The following ARHGAP24 variants were observed in gnomAD, a reference collection of about 807,000 sequenced individuals.
ARHGAP24 encodes the protein rho GTPase-activating protein 24.
A neutral mutation model predicts 76.4 loss-of-function variants in ARHGAP24; 50 were observed. The ratio of observed to expected loss-of-function variants is 0.65; its 90% CI spans 0.52 to 0.83. ARHGAP24 has a LOEUF of 0.83. Ranked by LOEUF, ARHGAP24 falls within the 40% of genes least tolerant of loss-of-function variation. ARHGAP24 has a pLI of 0.00. For missense variants in ARHGAP24, 930 were observed against 914.2 expected, an observed-to-expected ratio of 1.02 and a Z score of -0.22; for synonymous variants, 345 against 323.3, an observed-to-expected ratio of 1.07 and a Z score of -0.72.
At chr4:85,524,970 A>C (rs77310439) in intron 1 of ARHGAP24, among the ~76,000 whole-genome samples, 8,517 of 152,206 alleles carry the variant, frequency 0.056, 287 homozygotes, top group African/African-American at 0.085. Context: ...CCCCAATACT[A>C]TTGATTTATT....
chr4:85,641,216 C>A (rs758943683), intron 2 of ARHGAP24, among the ~76,000 whole-genome samples: 10 of 152,134 alleles, frequency 6.6e-5, no homozygotes, highest in Non-Finnish European at 1.0e-4. Context: ...TCCAGCTCAG[C>A]CTTGCGCGTA....
chr4:85,684,537 G>C (rs1267479513), intron 2 of ARHGAP24, among the ~76,000 whole-genome samples: 1 of 152,140 alleles, frequency 6.6e-6, no homozygotes, highest in East Asian at 1.9e-4. Flanking sequence ...TGCTGTAGAA[G>C]ATTGAGAATT....
At chr4:85,693,222 C>G (rs1723736117) in intron 2 of ARHGAP24, among the ~76,000 whole-genome samples, 1 of 152,164 alleles carries the variant, frequency 6.6e-6, no homozygotes. Flanking sequence ...AGAGAAGTGA[C>G]CCCCATTTCC....
At chr4:85,813,107 C>T (rs1560646608) in intron 3 of ARHGAP24, among the ~76,000 whole-genome samples, 2 of 152,150 alleles carry the variant, frequency 1.3e-5, no homozygotes, top group African/African-American at 2.4e-5. Context: ...GGAAGTACCT[C>T]GTTCCAAGAT....
intron 2 of ARHGAP24, among the ~76,000 whole-genome samples, chr4:85,627,490 G>A (rs1721003177): frequency 1.3e-5 from 2 of 152,174 alleles, no homozygotes; most frequent in South Asian, 4.1e-4. Context: ...CCTACTGGTT[G>A]GTGCCTCCCA....
chr4:85,797,052 G>A (rs1262453390), intron 3 of ARHGAP24, among the ~76,000 whole-genome samples: 6 of 152,204 alleles, frequency 3.9e-5, no homozygotes, highest in Non-Finnish European at 7.3e-5. Context: ...CCAGCATACA[G>A]GCTCTAGGAA....
chr4:85,677,497 C>T (rs544733901), intron 2 of ARHGAP24, among the ~76,000 whole-genome samples: 2 of 152,320 alleles, frequency 1.3e-5, no homozygotes, highest in Admixed American at 6.5e-5. Flanking sequence ...CAAGGATGTA[C>T]TCATTTCTGC....
chr4:85,717,291 T>A (rs1030439051), intron 2 of ARHGAP24, among the ~76,000 whole-genome samples: 1 of 152,128 alleles, frequency 6.6e-6, no homozygotes, highest in Non-Finnish European at 1.5e-5. Flanking sequence ...ACATGTTTCT[T>A]AACAATATAT....
chr4:85,640,184 C>T (rs552961113), intron 2 of ARHGAP24, among the ~76,000 whole-genome samples: 6 of 152,248 alleles, frequency 3.9e-5, no homozygotes, highest in South Asian at 4.2e-4. Context: ...CACTCCAGGG[C>T]GAGGTACCAG....
intron 2 of ARHGAP24, among the ~76,000 whole-genome samples, chr4:85,668,990 G>C (rs570741272): frequency 6.6e-6 from 1 of 152,258 alleles, no homozygotes; most frequent in Non-Finnish European, 1.5e-5. Context: ...TAGGTTCAGT[G>C]GTTGAATTTC....
intron 3 of ARHGAP24, among the ~76,000 whole-genome samples, chr4:85,722,791 C>T (rs1725004788): frequency 6.6e-6 from 1 of 152,166 alleles, no homozygotes; most frequent in Admixed American, 6.5e-5. Flanking sequence ...GATTTGATCA[C>T]AGTCTAGGGT....
At chr4:85,593,557 C>T (rs985463639) in intron 2 of ARHGAP24, among the ~76,000 whole-genome samples, 1 of 152,038 alleles carries the variant, frequency 6.6e-6, no homozygotes, top group African/African-American at 2.4e-5. Context: ...AGAGTTTCCC[C>T]AATACTTCTT....
At chr4:85,541,541 C>T (rs1212523874) in intron 1 of ARHGAP24, among the ~76,000 whole-genome samples, 2 of 152,074 alleles carry the variant, frequency 1.3e-5, no homozygotes, top group Non-Finnish European at 2.9e-5. Flanking sequence ...TTGTGTCTAG[C>T]GTCTTTAGCT....
intron 3 of ARHGAP24, among the ~76,000 whole-genome samples, chr4:85,766,746 A>G (rs1726944906): frequency 6.6e-6 from 1 of 152,142 alleles, no homozygotes; most frequent in South Asian, 2.1e-4. Context: ...AGAATAAATC[A>G]CTAAGGTCAT....
chr4:85,669,923 A>G (rs2110000900), intron 2 of ARHGAP24, among the ~76,000 whole-genome samples: 1 of 152,136 alleles, frequency 6.6e-6, no homozygotes, highest in Non-Finnish European at 1.5e-5. Context: ...GGGTAGGAAC[A>G]TGTGTCAACA....
At chr4:85,526,548 T>C (rs1725006391) in intron 1 of ARHGAP24, among the ~76,000 whole-genome samples, 1 of 152,116 alleles carries the variant, frequency 6.6e-6, no homozygotes. Context: ...AAAGCCACTA[T>C]TGAAGACTAT....
At chr4:85,521,895 T>A (rs1260616230) in intron 1 of ARHGAP24, among the ~76,000 whole-genome samples, 1 of 152,098 alleles carries the variant, frequency 6.6e-6, no homozygotes, top group Non-Finnish European at 1.5e-5. Flanking sequence ...AAGTTAATGA[T>A]AAGCTGGTAT....
chr4:85,604,318 A>C (rs1225673829), intron 2 of ARHGAP24: 2 of 152,234 alleles, frequency 1.3e-5, no homozygotes, highest in Non-Finnish European at 2.9e-5. Flanking sequence ...GTATATCTTT[A>C]ACAAGATCTA....
chr4:85,809,725 G>C (rs1728932725), intron 3 of ARHGAP24, among the ~76,000 whole-genome samples: 1 of 152,170 alleles, frequency 6.6e-6, no homozygotes, highest in Non-Finnish European at 1.5e-5. Flanking sequence ...CAGATCAGAG[G>C]AGCAATGCAT....
Sources: gnomAD v4.1 joint callset for allele counts (sites outside exome capture counted in the v4.1 genomes callset) on GRCh38, gnomAD v4.1.1 for gene constraint, MANE v1.5 for transcripts, NCBI Gene and HGNC (gene_info 2026-07-23, HGNC 2026-07-21) for gene names.